Variants in TLN2 observed in about 807,000 individuals in gnomAD.
TLN2 encodes talin-2.
In TLN2, 118 loss-of-function variants were observed where a neutral mutation model predicts 294.7. The ratio of observed to expected loss-of-function variants is 0.40; its 90% CI spans 0.34 to 0.47. The LOEUF (loss-of-function observed/expected upper bound fraction) is 0.47, where lower values mean the gene tolerates loss of function less well. TLN2 is among the 20% of genes least tolerant of loss of function. The pLI is 0.84. For missense variants in TLN2, 3,083 were observed against 3,282.2 expected (o/e 0.94, Z 1.48); for synonymous variants, 1,431 against 1,304.5 (o/e 1.10, Z -2.09).
intron 26 of TLN2, among the ~76,000 whole-genome samples, chr15:62,723,097 A>G (rs1024237011): frequency 4.6e-5 from 7 of 152,232 alleles, no homozygotes; most frequent in Admixed American, 3.3e-4. Context: ...ATGAAGTTCT[A>G]GCATGAATTC....
At chr15:62,545,985 A>G (rs375722197) in intron 1 of TLN2, among the ~76,000 whole-genome samples, 9 of 152,132 alleles carry the variant, frequency 5.9e-5, no homozygotes, top group African/African-American at 2.2e-4. Context: ...TGCTGGTTCT[A>G]TGAAGCAGTA....
intron 1 of TLN2, among the ~76,000 whole-genome samples, chr15:62,463,453 G>A (rs1029673618): frequency 1.3e-5 from 2 of 152,138 alleles, no homozygotes; most frequent in Non-Finnish European, 2.9e-5. Context: ...GGGAAGCCTA[G>A]CCACCAAGAA....
At chr15:62,622,943 T>C (rs2048961736) in intron 3 of TLN2, among the ~76,000 whole-genome samples, 1 of 152,186 alleles carries the variant, frequency 6.6e-6, no homozygotes, top group South Asian at 2.1e-4. Flanking sequence ...CCCATCGATG[T>C]TGCCCATCAT....
intron 32 of TLN2, among the ~76,000 whole-genome samples, chr15:62,745,331 TA>T (rs899096910): frequency 1.9e-4 from 29 of 149,542 alleles, no homozygotes; most frequent in Middle Eastern, 3.4e-3. Context: ...AAAAAGATGG[TA>T]AAAAAAAAAT....
intron 1 of TLN2, among the ~76,000 whole-genome samples, chr15:62,456,092 G>T (rs903140309): frequency 6.6e-6 from 1 of 151,426 alleles, no homozygotes; most frequent in African/African-American, 2.4e-5. Context: ...GAACCTTACT[G>T]GATCAAGCCC....
intron 32 of TLN2, among the ~76,000 whole-genome samples, chr15:62,745,235 G>T (rs1250425954): frequency 1.3e-5 from 2 of 152,134 alleles, no homozygotes. Context: ...AAGCCTAGAT[G>T]AAAACACTAT....
chr15:62,682,865 C>G (rs1429220274), intron 11 of TLN2: 1 of 152,194 alleles, frequency 6.6e-6, no homozygotes, highest in Non-Finnish European at 1.5e-5. Flanking sequence ...TACCCAGAGC[C>G]TTGAGGTGTT....
At chr15:62,642,954 G>T (rs966581064) in intron 3 of TLN2, among the ~76,000 whole-genome samples, 5 of 152,074 alleles carry the variant, frequency 3.3e-5, no homozygotes, top group African/African-American at 7.2e-5. Flanking sequence ...TGCCCAACTC[G>T]GCCTCCCAAA....
intron 14 of TLN2, among the ~76,000 whole-genome samples, chr15:62,696,344 A>G (rs961621601): frequency 6.6e-6 from 1 of 152,182 alleles, no homozygotes; most frequent in Non-Finnish European, 1.5e-5. Context: ...CCACCCTCAG[A>G]CTTTTTACCT....
chr15:62,563,546 G>T (rs2043152709), intron 1 of TLN2, among the ~76,000 whole-genome samples: 1 of 152,146 alleles, frequency 6.6e-6, no homozygotes, highest in Non-Finnish European at 1.5e-5. Flanking sequence ...TGCGTTGTCT[G>T]TTTACTCAGG....
chr15:62,674,006 A>C (rs917333335), intron 10 of TLN2, 116 bp downstream of exon 10: 1 of 649,932 alleles, frequency 1.5e-6, no homozygotes, highest in African/African-American at 1.8e-5. Context: ...CTGATATAAT[A>C]AATGATTAGT....
chr15:62,526,209 A>G (rs1306461193), intron 1 of TLN2, among the ~76,000 whole-genome samples: 1 of 152,048 alleles, frequency 6.6e-6, no homozygotes, highest in Non-Finnish European at 1.5e-5. Context: ...GGCTCACTGC[A>G]AGTTCTGCCT....
chr15:62,476,778 G>T (rs1197128182), intron 1 of TLN2, among the ~76,000 whole-genome samples: 1 of 152,146 alleles, frequency 6.6e-6, no homozygotes, highest in African/African-American at 2.4e-5. Context: ...CCGCTTTATG[G>T]TGGCAGATGC....
At chr15:62,397,713 A>G (rs1452438279) in intron 1 of TLN2, among the ~76,000 whole-genome samples, 1 of 152,178 alleles carries the variant, frequency 6.6e-6, no homozygotes, top group Non-Finnish European at 1.5e-5. Flanking sequence ...ATGCATGGAA[A>G]TCACCTGCAG....
At chr15:62,755,398 C>A in intron 36 of TLN2, 134 bp from the exon 37 acceptor site, 1 of 1,099,914 alleles carries the variant, frequency 9.1e-7, no homozygotes, top group Non-Finnish European at 1.3e-6. Flanking sequence ...CTTTGAGGGT[C>A]GCAGAACTAG....
chr15:62,455,478 A>G (rs1342409174), intron 1 of TLN2, among the ~76,000 whole-genome samples: 2 of 152,180 alleles, frequency 1.3e-5, no homozygotes, highest in Non-Finnish European at 2.9e-5. Context: ...ACCGCAATGT[A>G]TGGGGAGCAA....
chr15:62,675,376 G>A, intron 11 of TLN2, 55 bp downstream of exon 11: 1 of 1,575,298 alleles, frequency 6.3e-7, no homozygotes, highest in Non-Finnish European at 8.7e-7. Flanking sequence ...TTTTTCTTTT[G>A]TTCAAGCGTT....
intron 1 of TLN2, among the ~76,000 whole-genome samples, chr15:62,420,876 A>G (rs1402608263): frequency 6.6e-6 from 1 of 152,326 alleles, no homozygotes; most frequent in Non-Finnish European, 1.5e-5. Context: ...TTAGCAGGAG[A>G]CAAGATAAGG....
At chr15:62,458,112 G>A (rs406734) in intron 1 of TLN2, among the ~76,000 whole-genome samples, 67,051 of 151,916 alleles carry the variant, frequency 0.44, 15,281 homozygotes, top group East Asian at 0.71. Context: ...ATGAGTCAAC[G>A]GTAGAGCCTT....
Sources: gnomAD v4.1 joint callset for allele counts (sites outside exome capture counted in the v4.1 genomes callset) on GRCh38, gnomAD v4.1.1 for gene constraint, MANE v1.5 for transcripts, NCBI Gene and HGNC (gene_info 2026-07-23, HGNC 2026-07-21) for gene names.